POLR3B: variants seen among roughly 807,000 people sequenced by gnomAD.
POLR3B encodes DNA-directed RNA polymerase III subunit RPC2.
POLR3B carries 96 observed loss-of-function variants against 147.4 expected under a neutral mutation model. The ratio of observed to expected loss-of-function variants is 0.65; its 90% CI spans 0.55 to 0.77. POLR3B has a LOEUF of 0.77. Ranked by LOEUF, POLR3B falls within the 30% of genes least tolerant of loss-of-function variation. POLR3B has a pLI of 0.00. For missense variants in POLR3B, 1,036 were observed against 1,413.5 expected (o/e 0.73, Z 4.28); for synonymous variants, 461 against 485.9 (o/e 0.95, Z 0.67).
chr12:106,491,104 T>C lies in POLR3B; in HGVS notation c.2714-4951T>C, dbSNP rs193203627. On this transcript the variant is annotated intron_variant, in intron 23 of 27. Transcript: ENST00000228347. ...TTGCTTCCTGCTGAGAGTAATTAGG[T>C]TTCTTATATAATAATAATTCCTTGT... 1.1e-3 allele frequency among the ~76,000 whole-genome samples: 162 copies of C among 152,306 alleles called. 4 individuals are homozygous for C. The East Asian group carries it at 0.017, about 16-fold the overall frequency.
At chr12:106,475,464 G>T (rs1213090659) in intron 23 of POLR3B, among the ~76,000 whole-genome samples, 1 of 105,002 alleles carries the variant, frequency 9.5e-6, no homozygotes, top group Non-Finnish European at 1.9e-5. Flanking sequence ...TTGACAGTGG[G>T]GTGTTAAATT....
chr12:106,371,078 A>G (rs1483351233), intron 6 of POLR3B, among the ~76,000 whole-genome samples: 1 of 152,210 alleles, frequency 6.6e-6, no homozygotes, highest in Non-Finnish European at 1.5e-5. Flanking sequence ...ATAAATTCAT[A>G]AGATTGAGGG....
intron 26 of POLR3B, among the ~76,000 whole-genome samples, chr12:106,502,915 T>G (rs763382898): frequency 7.9e-5 from 12 of 152,234 alleles, no homozygotes; most frequent in Non-Finnish European, 1.3e-4. Context: ...TGCTTTGTTG[T>G]GTAGAAAAAG....
chr12:106,373,124 T>C (rs1233859190), intron 6 of POLR3B, among the ~76,000 whole-genome samples: 1 of 152,230 alleles, frequency 6.6e-6, no homozygotes, highest in African/African-American at 2.4e-5. Flanking sequence ...TTGTGTTGTT[T>C]AGACGTTTTG....
rs375960295 is a variant in POLR3B at position 106,454,597 on chromosome 12, T to G, written c.2179T>G (p.Leu727Val). 1.2e-6 allele frequency: 2 copies of G among 1,607,918 alleles called. No individual in the cohort carries two copies. Among genetic ancestry groups the G allele is most frequent in the Non-Finnish European group, 1.7e-6 (2 of 1,174,514 alleles). ...CATGGTTAAGACAAAAACCATTGAATTGATAGAATTTGAGAAACTGCCAGC... is the reference window on the plus strand; with the variant it reads ...CATGGTTAAGACAAAAACCATTGAAGTGATAGAATTTGAGAAACTGCCAGC... Reference protein sequence around the residue: ...KPMVKTKTIELIEFEKLPAGQ... With the variant: ...KPMVKTKTIEVIEFEKLPAGQ... Residue 727 changes from leucine to valine, a missense_variant, in exon 20 of 28, where the codon TTG becomes GTG. Physicochemically the swap from Leu to Val is conservative, Grantham distance 32 (BLOSUM62 1). This residue lies in a region of POLR3B where 202 missense variants were observed against 272.8 expected (regional missense o/e 0.74). Coordinates refer to ENST00000228347, the MANE Select transcript of POLR3B (RefSeq NM_018082.6).
At chr12:106,373,821 AT>A (rs1158402976) in intron 6 of POLR3B, among the ~76,000 whole-genome samples, 3 of 152,090 alleles carry the variant, frequency 2.0e-5, no homozygotes, top group Non-Finnish European at 2.9e-5. Context: ...ATATGGTTAG[AT>A]TTTTTAAAAA....
At chr12:106,468,372 T>C (rs2038036648) in intron 23 of POLR3B, among the ~76,000 whole-genome samples, 1 of 152,222 alleles carries the variant, frequency 6.6e-6, no homozygotes, top group Non-Finnish European at 1.5e-5. Context: ...TAGTGGTCTA[T>C]GTATTTTGTT....
chr12:106,472,714 GT>G (rs1285791328), intron 23 of POLR3B, among the ~76,000 whole-genome samples: 2 of 103,024 alleles, frequency 1.9e-5, no homozygotes, highest in South Asian at 6.7e-4. Context: ...GGGGTTGTTT[GT>G]TTTTTTCTTG....
intron 23 of POLR3B, among the ~76,000 whole-genome samples, chr12:106,477,591 A>C (rs1340053883): frequency 1.3e-5 from 2 of 152,010 alleles, no homozygotes; most frequent in African/African-American, 4.8e-5. Context: ...AGCCGGTCTG[A>C]AAAGCGCAAT....
chr12:106,407,419 C>A (rs190242010), intron 11 of POLR3B, among the ~76,000 whole-genome samples: 199 of 152,220 alleles, frequency 1.3e-3, no homozygotes, highest in Non-Finnish European at 2.3e-3. Flanking sequence ...TCCACAGCTC[C>A]CCATGTAGTT....
Position 106,509,436 on chromosome 12 carries a change from T to C in POLR3B, c.3289T>C (p.Ser1097Pro). Residue 1097 changes from serine to proline, a missense_variant, in exon 28 of 28, where the codon TCA becomes CCA. Physicochemically the swap from Ser to Pro is moderately conservative, Grantham distance 74. Transcript: ENST00000228347. Reference sequence around the variant, plus strand: ...GCGTTTCAGGTGCCATTACTGCAAGTCATCCTGCCACGTGTCTTCCCTCCG... The same window carrying C: ...GCGTTTCAGGTGCCATTACTGCAAGCCATCCTGCCACGTGTCTTCCCTCCG... ...GYSGWCHYCKSSCHVSSLRIP... is the reference protein window; with the variant it reads ...GYSGWCHYCKPSCHVSSLRIP... 1 of 1,613,916 alleles carries C rather than the reference T, an allele frequency of 6.2e-7. No individual in the cohort carries two copies. Among genetic ancestry groups the C allele is most frequent in the African/African-American group, 1.3e-5 (1 of 75,050 alleles).
At chr12:106,494,374 CG>C (rs1312553155) in intron 23 of POLR3B, among the ~76,000 whole-genome samples, 1 of 152,134 alleles carries the variant, frequency 6.6e-6, no homozygotes, top group Non-Finnish European at 1.5e-5. Flanking sequence ...CCTCCTCCTG[CG>C]AACTGCTGCT....
chr12:106,374,205 TG>T (rs1332686892), intron 6 of POLR3B, among the ~76,000 whole-genome samples: 1 of 152,114 alleles, frequency 6.6e-6, no homozygotes, highest in East Asian at 1.9e-4. Context: ...ACCAAATTTT[TG>T]TTCTATCTTG....
intron 10 of POLR3B, among the ~76,000 whole-genome samples, chr12:106,404,879 G>A (rs1247616084): frequency 6.6e-6 from 1 of 152,060 alleles, no homozygotes; most frequent in Non-Finnish European, 1.5e-5. Flanking sequence ...TTATGGTTAG[G>A]TCTAAAATCC....
chr12:106,421,471 A>G (rs944441156), intron 12 of POLR3B, among the ~76,000 whole-genome samples: 1 of 152,136 alleles, frequency 6.6e-6, no homozygotes, highest in Non-Finnish European at 1.5e-5. Flanking sequence ...TAGATGCAAA[A>G]TGGCATCTCC....
intron 23 of POLR3B, 129 bp downstream of exon 23, chr12:106,463,749 T>A: frequency 1.3e-6 from 1 of 775,088 alleles, no homozygotes. Context: ...AAAATTAATC[T>A]TGTTTTATTT....
intron 1 of POLR3B, chr12:106,358,197 C>G (rs2036416803): frequency 7.0e-7 from 1 of 1,422,966 alleles, no homozygotes; most frequent in Non-Finnish European, 9.1e-7. Flanking sequence ...GCTGCTGGCT[C>G]TAGGGTTGGA....
intron 6 of POLR3B, 117 bp from the exon 7 acceptor site, chr12:106,376,242 A>G: frequency 2.7e-6 from 2 of 732,652 alleles, no homozygotes; most frequent in Non-Finnish European, 4.8e-6. Flanking sequence ...GCCTTTTCTA[A>G]CATGGTGCAT....
chr12:106,493,041 A>ACAC (rs977671873), intron 23 of POLR3B, among the ~76,000 whole-genome samples: 1 of 152,198 alleles, frequency 6.6e-6, no homozygotes, highest in African/African-American at 2.4e-5. Flanking sequence ...TGGGGTTGAG[A>ACAC]CACCAGCTTG....
Sources: allele counts gnomAD v4.1 joint callset (sites outside exome capture counted in the v4.1 genomes callset), GRCh38; gene constraint gnomAD v4.1.1; regional missense constraint gnomAD v4.1.1; transcripts MANE v1.5; gene names NCBI Gene and HGNC (gene_info 2026-07-23, HGNC 2026-07-21).